ZNF563: variants seen among roughly 807,000 people sequenced by gnomAD.
ZNF563 encodes the protein zinc finger protein 563.
In ZNF563, 39 loss-of-function variants were observed where a neutral mutation model predicts 48.5. The ratio of observed to expected loss-of-function variants is 0.80; its 90% confidence interval spans 0.62 to 1.05. The LOEUF is 1.05. Ranked by LOEUF, ZNF563 falls within the 50% of genes least tolerant of loss-of-function variation. The probability of loss-of-function intolerance (pLI) is 0.00; values close to 1 mark genes in which losing one functional copy is unlikely to be tolerated. For synonymous variants in ZNF563, 168 were observed against 187.9 expected (o/e 0.89, Z 0.87); for missense variants, 538 against 597.0 (o/e 0.90, Z 1.03).
Position 12,319,429 on chromosome 19 carries a change from C to A in ZNF563, c.596G>T (p.Cys199Phe), listed in dbSNP as rs200697419. 1.9e-6 allele frequency: 3 copies of A among 1,614,234 alleles called. No homozygotes were observed. In the Admixed American group the frequency reaches 5.0e-5, roughly 27 times the overall value. The change falls in exon 4 of 4, where the codon TGT becomes TTT. Residue 199 changes from cysteine to phenylalanine, a missense_variant. Physicochemically the swap from Cys to Phe is radical, Grantham distance 205. Coordinates refer to ENST00000293725, the MANE Select transcript of ZNF563 (RefSeq NM_145276.3). Reference sequence around the variant, plus strand: ...AAAAAAAGCTTTCCCACACAACTTACATTTATAAGGTCTATTTCCACCTTG... The same window carrying A: ...AAAAAAAGCTTTCCCACACAACTTAAATTTATAAGGTCTATTTCCACCTTG... Reference protein sequence around the residue: ...VVQGGNRPYKCKLCGKAFFWP... With the variant: ...VVQGGNRPYKFKLCGKAFFWP...
the ZNF563 span, among the ~76,000 whole-genome samples, chr19:12,343,621 C>A: frequency 6.6e-6 from 1 of 151,388 alleles, no homozygotes; most frequent in Non-Finnish European, 1.5e-5. Context: ...AGTTCTAATT[C>A]ATTTTGTGAG....
chr19:12,332,385 CGCCG>C (rs113455489), intron 1 of ZNF563, among the ~76,000 whole-genome samples: 4,280 of 131,334 alleles, frequency 0.033, 253 homozygotes, highest in African/African-American at 0.12. Context: ...CTCTCTCTGT[CGCCG>C]GCCCAGACTG....
At chr19:12,327,315 C>T (rs1968818265) in intron 1 of ZNF563, among the ~76,000 whole-genome samples, 1 of 151,594 alleles carries the variant, frequency 6.6e-6, no homozygotes, top group African/African-American at 2.4e-5. Flanking sequence ...TAAAAATTAG[C>T]TGGGTGTGGT....
upstream of ZNF563, chr19:12,333,657 C>G: frequency 1.1e-6 from 1 of 907,136 alleles, no homozygotes; most frequent in Non-Finnish European, 1.6e-6. Flanking sequence ...AGCGCAGGGG[C>G]GTGAAGACGC....
At chr19:12,331,927 T>C (rs1968927048) in intron 1 of ZNF563, among the ~76,000 whole-genome samples, 1 of 152,186 alleles carries the variant, frequency 6.6e-6, no homozygotes, top group Non-Finnish European at 1.5e-5. Flanking sequence ...ATTTTTCTTG[T>C]TGGTTTTTAC....
chr19:12,318,430 A>G lies in ZNF563; in HGVS notation c.*164T>C, dbSNP rs773071464. On this transcript the variant is annotated 3_prime_UTR_variant, in exon 4 of 4. Transcript: ENST00000293725. ...TCGATCACTTTCCCACATTCCTTATATCATACAGCATCTCTCCAGTGTGAG... is the reference window on the plus strand; with the variant it reads ...TCGATCACTTTCCCACATTCCTTATGTCATACAGCATCTCTCCAGTGTGAG... 8.6e-6 allele frequency: 7 copies of G among 810,652 alleles called. No individual in the cohort carries two copies. Among genetic ancestry groups the G allele is most frequent in the South Asian group, 1.9e-5 (1 of 51,462 alleles). 50.2% of individuals were successfully genotyped at this position (810,652 alleles called of 1,614,324 possible). A position where few individuals can be genotyped will look rare whatever the true frequency, so the allele number is the denominator to read the frequency against.
At position 12,318,536 on chromosome 19, in the gene ZNF563, G is replaced by A; in HGVS notation, c.*58C>T. 6.5e-7 allele frequency: 1 copy of A among 1,538,546 alleles called. No individual in the cohort carries two copies. The highest frequency in any genetic ancestry group is 8.8e-7 in the Non-Finnish European group (1 of 1,136,582). On this transcript the variant is annotated 3_prime_UTR_variant, in exon 4 of 4. Coordinates refer to ENST00000293725, the MANE Select transcript of ZNF563 (RefSeq NM_145276.3). ...TTTATAGGGTTTCTGTCCAGTGTAA[G>A]TTTATTCATGATATCAAAGGGAACT... is the stretch of plus-strand genomic sequence containing the variant.
chr19:12,330,487 T>C lies in ZNF563; in HGVS notation c.3+2993A>G, dbSNP rs546519235. On this transcript the variant is annotated intron_variant, in intron 1 of 3. Coordinates refer to ENST00000293725, the MANE Select transcript of ZNF563 (RefSeq NM_145276.3). ...ACGTAATTAAGACAGGGAAGCGCTT[T>C]CTCTACCACACATCAAGGCTTTGAA... is the stretch of plus-strand genomic sequence containing the variant. Among the ~76,000 whole-genome samples, 9 of 152,272 alleles carry C rather than the reference T, an allele frequency of 5.9e-5. No individual in the cohort carries two copies. The South Asian group carries it at 1.9e-3, about 32-fold the overall frequency.
At chr19:12,319,916 C>A in intron 3 of ZNF563, 83 bp from the exon 4 acceptor site, 1 of 1,085,620 alleles carries the variant, frequency 9.2e-7, no homozygotes, top group Non-Finnish European at 1.3e-6. Context: ...ATTGGATGTA[C>A]TTTTTTTTTT....
At chr19:12,322,757 C>G in intron 1 of ZNF563, 46 bp from the exon 2 acceptor site, 1 of 1,525,296 alleles carries the variant, frequency 6.6e-7, no homozygotes, top group Non-Finnish European at 8.8e-7. Context: ...AGTGACAGTA[C>G]TGAAAAAACT....
upstream of ZNF563, among the ~76,000 whole-genome samples, chr19:12,338,652 G>A (rs1165083601): frequency 2.0e-5 from 3 of 152,034 alleles, no homozygotes; most frequent in Non-Finnish European, 2.9e-5. Flanking sequence ...TCAGGAGTTC[G>A]AGACCCACCT....
At chr19:12,323,023 C>G (rs1968675124) in intron 1 of ZNF563, among the ~76,000 whole-genome samples, 1 of 152,156 alleles carries the variant, frequency 6.6e-6, no homozygotes, top group Non-Finnish European at 1.5e-5. Flanking sequence ...GTCCTACTGA[C>G]AAAGTCCTAC....
Position 12,318,548 on chromosome 19 carries a change from T to C in ZNF563, c.*46A>G. The C allele has an allele frequency of 6.4e-7, 1 of 1,560,466 alleles. No homozygotes were observed. The highest frequency in any genetic ancestry group is 1.4e-5 in the African/African-American group (1 of 73,144). On this transcript the variant is annotated 3_prime_UTR_variant, in exon 4 of 4. Transcript: ENST00000293725. Reference sequence around the variant, plus strand: ...CTGTCCAGTGTAAGTTTATTCATGATATCAAAGGGAACTGGAAATATAGAA... The same window carrying C: ...CTGTCCAGTGTAAGTTTATTCATGACATCAAAGGGAACTGGAAATATAGAA...
chr19:12,339,756 T>A, the ZNF563 span, among the ~76,000 whole-genome samples: 1 of 152,106 alleles, frequency 6.6e-6, no homozygotes, highest in African/African-American at 2.4e-5. Flanking sequence ...AGGGAGAATA[T>A]TTTGAGAAAT....
upstream of ZNF563, among the ~76,000 whole-genome samples, chr19:12,335,977 C>T (rs1200729667): frequency 6.6e-6 from 1 of 152,150 alleles, no homozygotes; most frequent in East Asian, 1.9e-4. Flanking sequence ...CATCAGAGGG[C>T]AAAAGGGAAT....
At chr19:12,322,213 G>C (rs773794954) in intron 2 of ZNF563, among the ~76,000 whole-genome samples, 1 of 151,818 alleles carries the variant, frequency 6.6e-6, no homozygotes, top group Non-Finnish European at 1.5e-5. Flanking sequence ...GCGCCACCAC[G>C]CCTGGCTAAT....
At chr19:12,329,285 A>C (rs1484600525) in intron 1 of ZNF563, among the ~76,000 whole-genome samples, 2 of 152,134 alleles carry the variant, frequency 1.3e-5, no homozygotes, top group African/African-American at 4.8e-5. Context: ...CTGCTTGGCC[A>C]ACATGGTGAA....
chr19:12,323,135 G>C (rs1034706458), intron 1 of ZNF563, among the ~76,000 whole-genome samples: 1 of 152,180 alleles, frequency 6.6e-6, no homozygotes, highest in Non-Finnish European at 1.5e-5. Flanking sequence ...TCTAGGAACT[G>C]GATTTAGGGA....
At chr19:12,321,825 C>G (rs1422277958) in intron 2 of ZNF563, among the ~76,000 whole-genome samples, 1 of 152,112 alleles carries the variant, frequency 6.6e-6, no homozygotes, top group African/African-American at 2.4e-5. Context: ...TCTGCTACCC[C>G]TAAGACACCA....
Sources: allele counts gnomAD v4.1 joint callset (sites outside exome capture counted in the v4.1 genomes callset), GRCh38; gene constraint gnomAD v4.1.1; transcripts MANE v1.5; gene names NCBI Gene and HGNC (gene_info 2026-07-23, HGNC 2026-07-21).